Variants in MX1 observed in about 807,000 individuals in gnomAD.
The protein encoded by MX1 is interferon-induced GTP-binding protein Mx1.
Under a neutral mutation model 66.4 loss-of-function variants are expected in MX1, and 66 were observed. That is an observed-to-expected ratio of 0.99 (90% CI 0.82 to 1.22). The LOEUF is 1.22. Among genes scored for constraint, MX1 ranks in the 50% most tolerant of loss-of-function variants. The pLI is 0.00. For missense variants in MX1, 787 were observed against 834.3 expected, an observed-to-expected ratio of 0.94 and a Z score of 0.70; for synonymous variants, 311 against 318.1, an observed-to-expected ratio of 0.98 and a Z score of 0.24.
chr21:41,429,738 C>T (rs2090159611), intron 3 of MX1: 1 of 151,836 alleles, frequency 6.6e-6, no homozygotes, highest in African/African-American at 2.4e-5. Flanking sequence ...GACCCCATCT[C>T]TACTAAATAA....
chr21:41,459,002 A>G lies in MX1; in HGVS notation c.*244A>G, dbSNP rs1427060388. On this transcript the variant is annotated 3_prime_UTR_variant, in exon 17 of 17. Transcript: ENST00000398598. Reference sequence around the variant, plus strand: ...GAAGGATGCTGTCTTCGTACTGGGAAAGGGATTTTCAGCCCTCAGAATCGC... The same window carrying G: ...GAAGGATGCTGTCTTCGTACTGGGAGAGGGATTTTCAGCCCTCAGAATCGC... 6.1e-6 allele frequency: 4 copies of G among 652,658 alleles called. No homozygotes were observed. In the African/African-American group the frequency reaches 7.3e-5, roughly 12 times the overall value. 40.4% of individuals were successfully genotyped at this position (652,658 alleles called of 1,614,324 possible).
chr21:41,444,789 G>A (rs2090616487), intron 11 of MX1, among the ~76,000 whole-genome samples: 1 of 152,076 alleles, frequency 6.6e-6, no homozygotes, highest in Non-Finnish European at 1.5e-5. Context: ...TTCTTACCTA[G>A]ACAGATGCCC....
chr21:41,450,906 G>T (rs1191452313), intron 14 of MX1: 2 of 181,868 alleles, frequency 1.1e-5, no homozygotes, highest in Admixed American at 6.1e-5. Context: ...TAATTTAAAA[G>T]AAATTACATT....
chr21:41,424,977 C>G (rs2146025636), upstream of MX1, among the ~76,000 whole-genome samples: 1 of 152,342 alleles, frequency 6.6e-6, no homozygotes, highest in Non-Finnish European at 1.5e-5. Flanking sequence ...TAGTCATCCT[C>G]CAAGCTGGAC....
In MX1 at chr21:41,458,528, G is replaced by A. The variant is rs2091009828; in HGVS notation, c.1759G>A (p.Glu587Lys). The A allele has an allele frequency of 6.6e-7, 1 of 1,516,558 alleles. No homozygotes were observed. The allele number at this position is 1,516,558 out of a possible 1,614,324, so 93.9% of individuals were successfully genotyped here. ...IFQHLMAYHQ[E>K]ASKRISSHIP... ...CCCGTGAACTGTTCTTTCCTTCCAG[G>A]AGGCCAGCAAGCGCATCTCCAGCCA... The change falls in exon 17 of 17, where the codon GAG becomes AAG. Residue 587 changes from glutamate to lysine, a missense_variant and splice_region_variant. Physicochemically the swap from Glu to Lys is moderately conservative, Grantham distance 56. Coordinates refer to ENST00000398598, the MANE Select transcript of MX1 (RefSeq NM_002462.5).
rs1216433366 is a variant in MX1 at position 41,456,204 on chromosome 21, A to G, written c.1759-2324A>G. Among the ~76,000 whole-genome samples the G allele has an allele frequency of 2.6e-5, 4 of 152,370 alleles. No homozygotes were observed. In the East Asian group the frequency reaches 7.7e-4, roughly 29 times the overall value. On this transcript the variant is annotated intron_variant, in intron 16 of 16. Coordinates refer to ENST00000398598, the MANE Select transcript of MX1 (RefSeq NM_002462.5). Reference sequence around the variant, plus strand: ...GGTTGCAGTGAGCCAAGATCACACCACTGCACTCCAGCCTGGGTGACAGAG... The same window carrying G: ...GGTTGCAGTGAGCCAAGATCACACCGCTGCACTCCAGCCTGGGTGACAGAG...
At chr21:41,432,912 G>GACC (rs1456890899) in intron 5 of MX1, among the ~76,000 whole-genome samples, 1 of 152,126 alleles carries the variant, frequency 6.6e-6, no homozygotes, top group Non-Finnish European at 1.5e-5. Flanking sequence ...AAATACAGAG[G>GACC]ACCACCACCT....
In MX1 at chr21:41,452,821, A is replaced by G. The variant is rs1219669074; in HGVS notation, c.1710A>G (p.Thr570=). 2 of 1,614,074 alleles carry G rather than the reference A, an allele frequency of 1.2e-6. No individual in the cohort carries two copies. Among genetic ancestry groups the G allele is most frequent in the African/African-American group, 1.3e-5 (1 of 74,916 alleles). ...DFGAFQSSSA[T]DSSMEEIFQH... ...GGGCTTTCCAGTCCAGCTCGGCAACAGACTCTTCCATGGAGGAGATCTTTC... is the reference window on the plus strand; with the variant it reads ...GGGCTTTCCAGTCCAGCTCGGCAACGGACTCTTCCATGGAGGAGATCTTTC... Residue 570 remains threonine, a synonymous_variant, in exon 16 of 17, where the codon ACA becomes ACG. Transcript: ENST00000398598.
chr21:41,446,564 C>T (rs2090670810), intron 13 of MX1, among the ~76,000 whole-genome samples: 1 of 152,144 alleles, frequency 6.6e-6, no homozygotes. Context: ...TAGTTTAAAA[C>T]ACCTTATTGC....
intron 7 of MX1, among the ~76,000 whole-genome samples, chr21:41,437,729 A>G (rs897567452): frequency 6.6e-6 from 1 of 152,218 alleles, no homozygotes; most frequent in Non-Finnish European, 1.5e-5. Context: ...CCCTTATTCA[A>G]GGGCTTCCCT....
At chr21:41,438,181 C>G (rs1296719529) in intron 7 of MX1, among the ~76,000 whole-genome samples, 5 of 152,244 alleles carry the variant, frequency 3.3e-5, no homozygotes, top group Non-Finnish European at 7.3e-5. Flanking sequence ...AAAGATGGAG[C>G]ATTAATCACA....
At chr21:41,447,444 A>G (rs529039018) in intron 13 of MX1, among the ~76,000 whole-genome samples, 25 of 152,358 alleles carry the variant, frequency 1.6e-4, no homozygotes, top group Non-Finnish European at 3.4e-4. Flanking sequence ...TTCCAGCCAC[A>G]GACAGGCACA....
chr21:41,434,926 CT>C (rs1401192505), intron 5 of MX1, among the ~76,000 whole-genome samples: 4 of 152,310 alleles, frequency 2.6e-5, no homozygotes, highest in East Asian at 1.9e-4. Flanking sequence ...ACCTAAAGAA[CT>C]TCTTTAACAT....
intron 15 of MX1, 102 bp downstream of exon 15, chr21:41,451,345 A>G (rs1353463838): frequency 2.5e-6 from 2 of 811,468 alleles, no homozygotes; most frequent in African/African-American, 1.7e-5. Flanking sequence ...ACTTTATTGT[A>G]TACTTTTAGA....
chr21:41,446,034 T>C lies in MX1; in HGVS notation c.1166T>C (p.Leu389Pro). The change falls in exon 13 of 17, where the codon CTC (leucine) becomes CCC (proline). Residue 389 changes from leucine to proline, a missense_variant. By Grantham distance (98) the Leu-to-Pro change is moderately conservative (BLOSUM62 -3). Transcript: ENST00000398598. ...GCCTTTAATCAGGACATCACTGCTC[T>C]CATGCAAGGAGAGGAAACTGTAGGG... ...VNAFNQDITA[L>P]MQGEETVGEE... is the part of the protein sequence containing the mutation. The C allele has an allele frequency of 6.2e-7, 1 of 1,614,134 alleles. No individual in the cohort carries two copies. The highest frequency in any genetic ancestry group is 8.5e-7 in the Non-Finnish European group (1 of 1,179,964).
intron 12 of MX1, 38 bp downstream of exon 12, chr21:41,445,608 T>A (rs759589770): frequency 6.2e-7 from 1 of 1,612,092 alleles, no homozygotes; most frequent in East Asian, 2.2e-5. Context: ...GAGAAGCACA[T>A]GTCATGGTCA....
intron 15 of MX1, among the ~76,000 whole-genome samples, chr21:41,452,257 C>T (rs2090851598): frequency 6.6e-6 from 1 of 152,222 alleles, no homozygotes; most frequent in Non-Finnish European, 1.5e-5. Flanking sequence ...ACATGGCTTT[C>T]CTGCTCATCC....
chr21:41,439,508 G>A (rs1343608016), intron 7 of MX1, among the ~76,000 whole-genome samples, 186 bp from the exon 8 acceptor site: 1 of 152,192 alleles, frequency 6.6e-6, no homozygotes, highest in Non-Finnish European at 1.5e-5. Flanking sequence ...CTGGCCAACA[G>A]CAGGGAAAAT....
chr21:41,439,572 C>G, intron 7 of MX1, 122 bp from the exon 8 acceptor site: 1 of 954,482 alleles, frequency 1.0e-6, no homozygotes, highest in Non-Finnish European at 1.6e-6. Flanking sequence ...ATTGAATCTG[C>G]TCCAAATATG....
Sources: allele counts gnomAD v4.1 joint callset (sites outside exome capture counted in the v4.1 genomes callset), GRCh38; gene constraint gnomAD v4.1.1; transcripts MANE v1.5; gene names NCBI Gene and HGNC (gene_info 2026-07-23, HGNC 2026-07-21).